Variants in ADAMTS16 observed in about 807,000 individuals in gnomAD.
ADAMTS16 encodes the protein A disintegrin and metalloproteinase with thrombospondin motifs 16.
ADAMTS16 carries 94 observed loss-of-function variants against 145.8 expected under a neutral mutation model. The observed-to-expected ratio is 0.64, with a 90% CI of 0.55 to 0.77. The LOEUF is 0.77. ADAMTS16 is among the 30% of genes least tolerant of loss of function. The pLI is 0.00. For missense variants in ADAMTS16, 1,585 were observed against 1,591.5 expected, an observed-to-expected ratio of 1.00 and a Z score of 0.07; for synonymous variants, 659 against 604.3, an observed-to-expected ratio of 1.09 and a Z score of -1.33.
intron 3 of ADAMTS16, among the ~76,000 whole-genome samples, chr5:5,158,907 G>A (rs771653987): frequency 6.6e-6 from 1 of 152,144 alleles, no homozygotes; most frequent in African/African-American, 2.4e-5. Flanking sequence ...ATTGCCTATC[G>A]TGTATTAAGA....
chr5:5,311,133 G>A (rs1579416166), intron 21 of ADAMTS16, among the ~76,000 whole-genome samples: 1 of 151,606 alleles, frequency 6.6e-6, no homozygotes, highest in African/African-American at 2.4e-5. Context: ...TTGCTGGCTT[G>A]TCCACTCTCG....
chr5:5,201,307 T>G lies in ADAMTS16; in HGVS notation c.1451+1038T>G, dbSNP rs575203767. 9.2e-5 allele frequency among the ~76,000 whole-genome samples: 14 copies of G among 152,242 alleles called. No individual in the cohort carries two copies. In the South Asian group the frequency reaches 2.9e-3, roughly 32 times the overall value. ...TGCTCAGGTGACAGAGAGCCATCTG[T>G]GCCACATGATGAACCCCAAATCCTA... is the stretch of plus-strand genomic sequence containing the variant. On this transcript the variant is annotated intron_variant, in intron 9 of 22. Coordinates refer to ENST00000274181, the MANE Select transcript of ADAMTS16 (RefSeq NM_139056.4).
chr5:5,301,873 C>T (rs759123563), intron 18 of ADAMTS16, among the ~76,000 whole-genome samples: 31 of 152,196 alleles, frequency 2.0e-4, no homozygotes, highest in African/African-American at 2.2e-4. Flanking sequence ...GGCAGAGCCT[C>T]GCAGGCGACC....
At chr5:5,234,914 A>AT (rs965066239) in intron 12 of ADAMTS16, 100 bp from the exon 13 acceptor site, 2 of 894,842 alleles carry the variant, frequency 2.2e-6, no homozygotes, top group African/African-American at 3.5e-5. Context: ...CTAATTACCC[A>AT]TTCTAACACT....
chr5:5,305,364 C>T (rs937979214), intron 20 of ADAMTS16, among the ~76,000 whole-genome samples: 2 of 81,378 alleles, frequency 2.5e-5, no homozygotes, highest in African/African-American at 1.0e-4. Flanking sequence ...ACCACACACA[C>T]ATCCCACACC....
At chr5:5,246,691 T>C (rs1308782872) in intron 17 of ADAMTS16, among the ~76,000 whole-genome samples, 2 of 152,204 alleles carry the variant, frequency 1.3e-5, no homozygotes, top group African/African-American at 4.8e-5. Flanking sequence ...AACTATTTAG[T>C]GCCTCTTTAG....
intron 17 of ADAMTS16, among the ~76,000 whole-genome samples, chr5:5,259,171 C>A (rs931006879): frequency 6.6e-6 from 1 of 152,236 alleles, no homozygotes; most frequent in Admixed American, 6.5e-5. Flanking sequence ...TTCCACTCTG[C>A]GGCCATTTGG....
chr5:5,305,093 ACACACACACATCCCACAC>A (rs1740017400), intron 20 of ADAMTS16, among the ~76,000 whole-genome samples: 1 of 62,544 alleles, frequency 1.6e-5, no homozygotes, highest in Admixed American at 1.4e-4. Flanking sequence ...CCCACACCAC[ACACACACACATCCCACAC>A]CACACACACA....
chr5:5,209,350 A>G, intron 10 of ADAMTS16, 104 bp downstream of exon 10: 8 of 1,381,800 alleles, frequency 5.8e-6, no homozygotes, highest in Non-Finnish European at 7.9e-6. Context: ...TACCTACCAA[A>G]TGTCAAATCC....
chr5:5,308,092 A>G (rs1740258065), intron 21 of ADAMTS16, among the ~76,000 whole-genome samples: 1 of 152,204 alleles, frequency 6.6e-6, no homozygotes, highest in Non-Finnish European at 1.5e-5. Flanking sequence ...TGACCATAAC[A>G]GGTGGCACAC....
chr5:5,219,136 C>T (rs1464308309), intron 10 of ADAMTS16, among the ~76,000 whole-genome samples: 3 of 151,964 alleles, frequency 2.0e-5, no homozygotes, highest in Non-Finnish European at 4.4e-5. Flanking sequence ...CTCAGCAACT[C>T]CCTGCCCCCT....
chr5:5,269,229 A>G lies in ADAMTS16; in HGVS notation c.2789+6446A>G, dbSNP rs1329422575. Among the ~76,000 whole-genome samples the G allele has an allele frequency of 6.6e-6, 1 of 151,818 alleles. No individual in the cohort carries two copies. The highest frequency in any genetic ancestry group is 1.5e-5 in the Non-Finnish European group (1 of 67,980). Reference sequence around the variant, plus strand: ...AGGCCAGAGGCTGTGGCAGTGCTGGAACCCTCCCCTCACCAGCACCTGAGC... The same window carrying G: ...AGGCCAGAGGCTGTGGCAGTGCTGGGACCCTCCCCTCACCAGCACCTGAGC... On this transcript the variant is annotated intron_variant, in intron 18 of 22. Transcript: ENST00000274181. The surrounding 1 kb of genome is among the most constrained non-coding windows in gnomAD (Gnocchi z 4.3).
intron 3 of ADAMTS16, among the ~76,000 whole-genome samples, chr5:5,163,206 ACAAG>A (rs1388791279): frequency 6.6e-6 from 1 of 152,204 alleles, no homozygotes; most frequent in Non-Finnish European, 1.5e-5. Flanking sequence ...TCAATGAGTG[ACAAG>A]CATACACACT....
At chr5:5,206,201 C>G (rs780213575) in intron 9 of ADAMTS16, among the ~76,000 whole-genome samples, 1 of 150,588 alleles carries the variant, frequency 6.6e-6, no homozygotes, top group Non-Finnish European at 1.5e-5. Flanking sequence ...CCGAGGCGGG[C>G]GGATCACGAG....
At chr5:5,184,334 G>A (rs1234940186) in intron 4 of ADAMTS16, among the ~76,000 whole-genome samples, 3 of 107,466 alleles carry the variant, frequency 2.8e-5, no homozygotes, top group Non-Finnish European at 6.7e-5. Flanking sequence ...CACCCCCAGG[G>A]CACTGTCACC....
At chr5:5,209,566 T>A (rs773748043) in intron 10 of ADAMTS16, among the ~76,000 whole-genome samples, 6 of 152,306 alleles carry the variant, frequency 3.9e-5, no homozygotes, top group Non-Finnish European at 7.3e-5. Context: ...TGCATTTTTT[T>A]AAATGATTTT....
At chr5:5,278,786 T>G (rs71596749) in intron 18 of ADAMTS16, among the ~76,000 whole-genome samples, 1 of 152,072 alleles carries the variant, frequency 6.6e-6, no homozygotes, top group Non-Finnish European at 1.5e-5. Flanking sequence ...ACTTTATGTT[T>G]ATTTCTCTTT....
chr5:5,183,494 A>C (rs1735400755), intron 4 of ADAMTS16, among the ~76,000 whole-genome samples: 1 of 152,126 alleles, frequency 6.6e-6, no homozygotes. Flanking sequence ...CAGGGAGAGG[A>C]AGTGGCCCAC....
intron 21 of ADAMTS16, among the ~76,000 whole-genome samples, chr5:5,309,205 T>C (rs1740312639): frequency 6.6e-6 from 1 of 152,202 alleles, no homozygotes; most frequent in Admixed American, 6.5e-5. Context: ...GCATGCAGCC[T>C]ACACACATCC....
Sources: gnomAD v4.1 joint callset for allele counts (sites outside exome capture counted in the v4.1 genomes callset) on GRCh38, gnomAD v4.1.1 for gene constraint, Gnocchi (gnomAD v3.1) non-coding constraint, MANE v1.5 for transcripts, NCBI Gene and HGNC (gene_info 2026-07-23, HGNC 2026-07-21) for gene names.